The following PITPNC1 variants were observed in gnomAD, a reference collection of about 807,000 sequenced individuals.
The protein encoded by PITPNC1 is phosphatidylinositol transfer protein cytoplasmic 1.
PITPNC1 carries 18 observed loss-of-function variants against 44.7 expected under a neutral mutation model. That is an observed-to-expected ratio of 0.40 (90% confidence interval 0.28 to 0.60). PITPNC1 has a LOEUF of 0.60. Ranked by LOEUF, PITPNC1 falls within the 20% of genes least tolerant of loss-of-function variation. The pLI is 0.39. For missense variants in PITPNC1, 290 were observed against 418.4 expected (o/e 0.69, Z 2.68); for synonymous variants, 141 against 149.6 (o/e 0.94, Z 0.42).
At chr17:67,442,454 C>A (rs2039029590) in intron 1 of PITPNC1, among the ~76,000 whole-genome samples, 1 of 150,956 alleles carries the variant, frequency 6.6e-6, no homozygotes, top group African/African-American at 2.4e-5. Flanking sequence ...GGGAAGAAGG[C>A]AGGGCCCTAA....
At chr17:67,470,594 C>A (rs986762719) in intron 1 of PITPNC1, among the ~76,000 whole-genome samples, 5 of 152,144 alleles carry the variant, frequency 3.3e-5, no homozygotes, top group Non-Finnish European at 5.9e-5. Context: ...GTCAGCCCCC[C>A]TGCCCGGCCA....
At chr17:67,381,056 G>T (rs958838443) in intron 1 of PITPNC1, among the ~76,000 whole-genome samples, 3 of 152,086 alleles carry the variant, frequency 2.0e-5, no homozygotes, top group African/African-American at 7.2e-5. Context: ...TGCCGGGTGC[G>T]GTGGCTCACG....
chr17:67,669,973 T>C (rs774754884), intron 7 of PITPNC1, among the ~76,000 whole-genome samples: 1 of 152,068 alleles, frequency 6.6e-6, no homozygotes, highest in East Asian at 1.9e-4. Flanking sequence ...CTCAGGAGGC[T>C]GAGGCAGGAG....
At chr17:67,513,101 C>T (rs1032635961) in intron 1 of PITPNC1, among the ~76,000 whole-genome samples, 10 of 152,058 alleles carry the variant, frequency 6.6e-5, no homozygotes, top group Non-Finnish European at 1.3e-4. Context: ...CAGTGGCTCA[C>T]GCCTATAATC....
chr17:67,561,468 AG>A (rs1568041082), intron 4 of PITPNC1, among the ~76,000 whole-genome samples: 2 of 151,782 alleles, frequency 1.3e-5, no homozygotes, highest in Non-Finnish European at 2.9e-5. Flanking sequence ...AAAAAAAAAA[AG>A]GGAATGCAGA....
At chr17:67,648,529 A>G (rs1208692875) in intron 6 of PITPNC1, among the ~76,000 whole-genome samples, 1 of 152,198 alleles carries the variant, frequency 6.6e-6, no homozygotes, top group East Asian at 1.9e-4. Context: ...ACCTTGAACT[A>G]TACTCATATT....
At chr17:67,531,213 C>T (rs1480212676) in intron 1 of PITPNC1, among the ~76,000 whole-genome samples, 2 of 152,076 alleles carry the variant, frequency 1.3e-5, no homozygotes, top group African/African-American at 2.4e-5. Flanking sequence ...ACTGTAGTCC[C>T]GCCCGTGTGA....
chr17:67,415,157 G>C (rs554802008), intron 1 of PITPNC1, among the ~76,000 whole-genome samples: 1 of 152,146 alleles, frequency 6.6e-6, no homozygotes, highest in East Asian at 1.9e-4. Context: ...TGGGATTACA[G>C]GCATGAGCTA....
At chr17:67,414,466 A>G (rs959191526) in intron 1 of PITPNC1, among the ~76,000 whole-genome samples, 2 of 150,366 alleles carry the variant, frequency 1.3e-5, no homozygotes. Flanking sequence ...GTATGCATCT[A>G]TGCATATAAA....
chr17:67,680,084 C>T (rs1025461994), intron 8 of PITPNC1, among the ~76,000 whole-genome samples: 8 of 152,118 alleles, frequency 5.3e-5, no homozygotes, highest in African/African-American at 1.9e-4. Flanking sequence ...GCAGGTCTAA[C>T]AATGAGGGAG....
chr17:67,400,962 T>C (rs2038300406), intron 1 of PITPNC1, among the ~76,000 whole-genome samples: 1 of 152,030 alleles, frequency 6.6e-6, no homozygotes, highest in Non-Finnish European at 1.5e-5. Context: ...CACTCTGTCA[T>C]GTCACCCAGG....
chr17:67,623,109 C>CAA (rs1198070826), intron 5 of PITPNC1, among the ~76,000 whole-genome samples: 17,197 of 84,398 alleles, frequency 0.2, 1,299 homozygotes, highest in Middle Eastern at 0.31. Flanking sequence ...TCCCAAAAGC[C>CAA]AAAAAAAAAA....
chr17:67,433,786 A>C (rs1028435195), intron 1 of PITPNC1, among the ~76,000 whole-genome samples: 2 of 152,158 alleles, frequency 1.3e-5, no homozygotes, highest in African/African-American at 4.8e-5. Context: ...ACTTGAACCC[A>C]GGAGGCTGAC....
At chr17:67,490,196 G>A (rs2039844142) in intron 1 of PITPNC1, among the ~76,000 whole-genome samples, 1 of 149,832 alleles carries the variant, frequency 6.7e-6, no homozygotes, top group Non-Finnish European at 1.5e-5. Context: ...TAACTTTGGA[G>A]CTAAGAATGA....
intron 4 of PITPNC1, among the ~76,000 whole-genome samples, chr17:67,564,108 G>A (rs927434339): frequency 6.6e-6 from 1 of 151,956 alleles, no homozygotes; most frequent in African/African-American, 2.4e-5. Context: ...TAGATGGATA[G>A]ATTAGATAGG....
chr17:67,484,847 G>A (rs1217246721), intron 1 of PITPNC1, among the ~76,000 whole-genome samples: 1 of 151,930 alleles, frequency 6.6e-6, no homozygotes, highest in African/African-American at 2.4e-5. Context: ...CTGAGGTAGG[G>A]GAATCGCTTG....
chr17:67,431,438 C>T (rs1414737074), intron 1 of PITPNC1, among the ~76,000 whole-genome samples: 1 of 152,072 alleles, frequency 6.6e-6, no homozygotes, highest in Non-Finnish European at 1.5e-5. Context: ...CTCTGTATAC[C>T]ATTATTCATG....
chr17:67,607,034 C>T (rs1477357717), intron 5 of PITPNC1, among the ~76,000 whole-genome samples: 1 of 152,148 alleles, frequency 6.6e-6, no homozygotes, highest in Non-Finnish European at 1.5e-5. Context: ...AGCGTGTGAC[C>T]TCCAGCACGG....
At chr17:67,470,263 G>A (rs1333828291) in intron 1 of PITPNC1, among the ~76,000 whole-genome samples, 1 of 152,146 alleles carries the variant, frequency 6.6e-6, no homozygotes, top group Non-Finnish European at 1.5e-5. Context: ...CTCACTTTAA[G>A]TGTACAGCTT....
Sources: allele counts gnomAD v4.1 joint callset (sites outside exome capture counted in the v4.1 genomes callset), GRCh38; gene constraint gnomAD v4.1.1; transcripts MANE v1.5; gene names NCBI Gene and HGNC (gene_info 2026-07-23, HGNC 2026-07-21).